Variants in ANKS1A observed in about 807,000 individuals in gnomAD.
ANKS1A encodes ankyrin repeat and SAM domain-containing protein 1A.
Under a neutral mutation model 120.3 loss-of-function variants are expected in ANKS1A, and 55 were observed. That is an observed-to-expected ratio of 0.46 (90% CI 0.37 to 0.57). The LOEUF (loss-of-function observed/expected upper bound fraction) is 0.57, where lower values mean the gene tolerates loss of function less well. ANKS1A is among the 20% of genes least tolerant of loss of function. The pLI is 0.00. For synonymous variants in ANKS1A, 590 were observed against 604.7 expected (o/e 0.98, Z 0.36); for missense variants, 1,123 against 1,480.3 (o/e 0.76, Z 3.96).
intron 11 of ANKS1A, among the ~76,000 whole-genome samples, chr6:35,020,906 G>T (rs1774300940): frequency 6.6e-6 from 1 of 152,138 alleles, no homozygotes; most frequent in Non-Finnish European, 1.5e-5. Context: ...CAAAAGCCCT[G>T]CTACATTTTA....
At chr6:34,980,928 A>G (rs955578753) in intron 3 of ANKS1A, among the ~76,000 whole-genome samples, 5 of 152,218 alleles carry the variant, frequency 3.3e-5, no homozygotes, top group African/African-American at 1.2e-4. Context: ...TTACATTTGA[A>G]TATTTTGCAC....
chr6:34,952,763 G>A (rs1218486567), intron 1 of ANKS1A, among the ~76,000 whole-genome samples: 1 of 150,544 alleles, frequency 6.6e-6, no homozygotes, highest in Non-Finnish European at 1.5e-5. Flanking sequence ...AGGCTGGAGT[G>A]TAGTGGCACC....
At chr6:35,007,532 C>T (rs993656173) in intron 10 of ANKS1A, among the ~76,000 whole-genome samples, 12 of 152,244 alleles carry the variant, frequency 7.9e-5, no homozygotes, top group Non-Finnish European at 1.5e-4. Context: ...ACTCTTTGCT[C>T]GCTGGATGTT....
intron 2 of ANKS1A, 108 bp downstream of exon 2, chr6:34,967,427 C>A: frequency 9.5e-7 from 1 of 1,052,622 alleles, no homozygotes; most frequent in Non-Finnish European, 1.4e-6. Context: ...GTGGCTCATG[C>A]CTGTAATCCC....
chr6:35,027,908 A>G (rs1016862170), intron 11 of ANKS1A, among the ~76,000 whole-genome samples: 1 of 152,094 alleles, frequency 6.6e-6, no homozygotes, highest in African/African-American at 2.4e-5. Flanking sequence ...CAGGTATCCT[A>G]CTCTTGCTCA....
intron 11 of ANKS1A, chr6:35,038,338 A>G (rs1775285200): frequency 2.2e-6 from 1 of 456,706 alleles, no homozygotes; most frequent in Admixed American, 2.3e-5. Context: ...TTACTGAGAT[A>G]GTCCTCAATA....
In ANKS1A at chr6:34,889,660, G is replaced by A. The variant is rs1766699791; in HGVS notation, c.197+61G>A. 1 of 1,244,872 alleles carries A rather than the reference G, an allele frequency of 8.0e-7. No individual in the cohort carries two copies. Among genetic ancestry groups the A allele is most frequent in the Non-Finnish European group, 1.0e-6 (1 of 995,162 alleles). 77.1% of individuals were successfully genotyped at this position (1,244,872 alleles called of 1,614,324 possible). A position where few individuals can be genotyped will look rare whatever the true frequency, so the allele number is the denominator to read the frequency against. On this transcript the variant is annotated intron_variant, in intron 1 of 23. Transcript: ENST00000360359. The surrounding 1 kb of genome is among the most constrained non-coding windows in gnomAD (Gnocchi z 5.5). ...ACCCTTTCTCCCCCACCCGTCTCTT[G>A]GGTCCCCAGAGAGATCGGGGGTCCT...
intron 7 of ANKS1A, among the ~76,000 whole-genome samples, chr6:34,984,149 TATATC>T (rs1772061779): frequency 6.6e-6 from 1 of 152,132 alleles, no homozygotes; most frequent in Non-Finnish European, 1.5e-5. Context: ...ATTTTGATAA[TATATC>T]ATATGAGCAA....
At chr6:35,093,499 T>G (rs1479838203), downstream of ANKS1A, among the ~76,000 whole-genome samples, 1 of 152,130 alleles carries the variant, frequency 6.6e-6, no homozygotes, top group Non-Finnish European at 1.5e-5. Context: ...GATTAATATA[T>G]TTGAGTCTAT....
At chr6:34,989,060 G>A (rs531262297) in intron 8 of ANKS1A, among the ~76,000 whole-genome samples, 164 bp from the exon 9 acceptor site, 1 of 152,174 alleles carries the variant, frequency 6.6e-6, no homozygotes, top group African/African-American at 2.4e-5. Flanking sequence ...GTGTATGTAT[G>A]CACAGAGTTC....
intron 1 of ANKS1A, among the ~76,000 whole-genome samples, chr6:34,905,617 G>C (rs1461475229): frequency 6.6e-6 from 1 of 152,198 alleles, no homozygotes; most frequent in African/African-American, 2.4e-5. Flanking sequence ...AAAGTTAAGA[G>C]AGAGCTTAAC....
chr6:34,907,277 T>C (rs1033697448), intron 1 of ANKS1A, among the ~76,000 whole-genome samples: 8 of 152,222 alleles, frequency 5.3e-5, no homozygotes, highest in Non-Finnish European at 1.0e-4. Flanking sequence ...GTCTGTAGTT[T>C]AGTTAAGAGT....
At chr6:35,040,638 C>T (rs1374836148) in intron 11 of ANKS1A, among the ~76,000 whole-genome samples, 3 of 152,254 alleles carry the variant, frequency 2.0e-5, no homozygotes, top group African/African-American at 7.2e-5. Context: ...AAAAACAAGG[C>T]TCTTATTGAT....
At position 35,083,521 on chromosome 6, in the gene ANKS1A, A is replaced by T; in HGVS notation, c.2994+18A>T. On this transcript the variant is annotated intron_variant, in intron 20 of 23. Coordinates refer to ENST00000360359, the MANE Select transcript of ANKS1A (RefSeq NM_015245.3). ...CCAACAAGGTGTGCTGCTTACAGGG[A>T]CTCTTGGTGGGAGTGGGACCCACAT... is the stretch of plus-strand genomic sequence containing the variant. 1.9e-6 allele frequency: 3 copies of T among 1,611,738 alleles called. No individual in the cohort carries two copies. Among genetic ancestry groups the T allele is most frequent in the Non-Finnish European group, 2.5e-6 (3 of 1,178,424 alleles).
chr6:34,920,775 C>G (rs546097281), intron 1 of ANKS1A, among the ~76,000 whole-genome samples: 1 of 152,134 alleles, frequency 6.6e-6, no homozygotes, highest in African/African-American at 2.4e-5. Context: ...CAGAGTCATT[C>G]GGCTCTAACC....
intron 1 of ANKS1A, among the ~76,000 whole-genome samples, chr6:34,901,284 A>G (rs975044122): frequency 2.4e-4 from 36 of 152,050 alleles, no homozygotes; most frequent in African/African-American, 8.2e-4. Context: ...GCATTCTCAA[A>G]TAATTAGTTG....
rs766558758 is a variant in ANKS1A, at chr6:34,981,718, G to T, written c.464G>T (p.Cys155Phe). ...AATGACAACGAGACAGCCCTGCATT[G>T]TGCAGCGCAGTATGGCCACACAGAG... ...QNNDNETALH[C>F]AAQYGHTEVV... The change falls in exon 4 of 24, where the codon TGT becomes TTT. Residue 155 changes from cysteine to phenylalanine, a missense_variant. Transcript: ENST00000360359. The T allele has an allele frequency of 6.2e-7, 1 of 1,614,176 alleles. No individual in the cohort carries two copies. Among genetic ancestry groups the T allele is most frequent in the Non-Finnish European group, 8.5e-7 (1 of 1,180,048 alleles).
chr6:34,995,485 G>C (rs1772802219), intron 10 of ANKS1A, among the ~76,000 whole-genome samples: 1 of 152,164 alleles, frequency 6.6e-6, no homozygotes, highest in South Asian at 2.1e-4. Flanking sequence ...AATTTTGACA[G>C]ATGGAGTTGT....
chr6:34,910,075 C>T (rs916114698), intron 1 of ANKS1A, among the ~76,000 whole-genome samples: 11 of 152,082 alleles, frequency 7.2e-5, no homozygotes, highest in South Asian at 2.1e-4. Context: ...AGGAAGATCA[C>T]TTCAGATTTT....
Sources: allele counts gnomAD v4.1 joint callset (sites outside exome capture counted in the v4.1 genomes callset), GRCh38; gene constraint gnomAD v4.1.1; non-coding constraint Gnocchi (gnomAD v3.1); transcripts MANE v1.5; gene names NCBI Gene and HGNC (gene_info 2026-07-23, HGNC 2026-07-21).